The following ARHGAP21 variants were observed in gnomAD, a reference collection of about 807,000 sequenced individuals.
The protein encoded by ARHGAP21 is Rho GTPase activating protein 21.
In ARHGAP21, 38 loss-of-function variants were observed where a neutral mutation model predicts 164.6. The observed-to-expected ratio is 0.23, with a 90% CI of 0.18 to 0.30. The LOEUF (loss-of-function observed/expected upper bound fraction) is 0.30. ARHGAP21 is among the 10% of genes least tolerant of loss of function. ARHGAP21 has a pLI of 1.00. For missense variants in ARHGAP21, 1,822 were observed against 2,370.7 expected, an observed-to-expected ratio of 0.77 and a Z score of 4.81; for synonymous variants, 766 against 857.9, an observed-to-expected ratio of 0.89 and a Z score of 1.87.
At chr10:24,622,083 C>T (rs2367068) in intron 8 of ARHGAP21, among the ~76,000 whole-genome samples, 77,026 of 151,916 alleles carry the variant, frequency 0.51, 19,672 homozygotes, top group Middle Eastern at 0.57. Flanking sequence ...ATTTGGTCTC[C>T]TTTACTTATT....
Position 24,619,892 on chromosome 10 carries a change from C to A in ARHGAP21, c.2003G>T (p.Arg668Met). ...TTGCTGATCGGGGGCACTGTCAGTC[C>A]TTACCCATGTCTGCTGATTCAACAG... The part of the protein sequence containing the change: ...NSLLNQQTWV[R>M]TDSAPDQQVE... The change falls in exon 9 of 26, where the codon AGG becomes ATG. Residue 668 changes from arginine to methionine, a missense_variant. Physicochemically the swap from Arg to Met is moderately conservative, Grantham distance 91. Around this residue, in one of 5 missense-constraint regions of ARHGAP21, gnomAD observed 1,090 missense variants for 1,378.9 expected, o/e 0.79. Transcript: ENST00000396432. 1 of 1,614,150 alleles carries A rather than the reference C, an allele frequency of 6.2e-7. No homozygotes were observed.
chr10:24,599,471 C>T (rs2076721800), intron 14 of ARHGAP21, among the ~76,000 whole-genome samples: 1 of 152,142 alleles, frequency 6.6e-6, no homozygotes, highest in South Asian at 2.1e-4. Flanking sequence ...GGAAAAAAAG[C>T]ACACTTTTCC....
intron 4 of ARHGAP21, among the ~76,000 whole-genome samples, chr10:24,656,938 T>TG (rs1321520869): frequency 2.1e-3 from 9 of 4,252 alleles, no homozygotes; most frequent in Admixed American, 3.8e-3. Context: ...GGGAGGGAGG[T>TG]GGGGGGGGGG....
At chr10:24,619,356 G>GA in intron 9 of ARHGAP21, 117 bp downstream of exon 9, 1 of 1,047,478 alleles carries the variant, frequency 9.5e-7, no homozygotes, top group South Asian at 1.7e-5. Flanking sequence ...AGATTCACTA[G>GA]AAACATTTTA....
intron 2 of ARHGAP21, among the ~76,000 whole-genome samples, chr10:24,686,865 C>G (rs916525510): frequency 6.6e-6 from 1 of 152,148 alleles, no homozygotes; most frequent in Non-Finnish European, 1.5e-5. Flanking sequence ...AGCAGAACTT[C>G]CCGATCAGTG....
intron 2 of ARHGAP21, among the ~76,000 whole-genome samples, chr10:24,673,580 G>A (rs919152393): frequency 2.6e-5 from 4 of 152,200 alleles, no homozygotes; most frequent in African/African-American, 9.7e-5. Flanking sequence ...CATACACCTA[G>A]GCCGGCCGTG....
intron 2 of ARHGAP21, among the ~76,000 whole-genome samples, chr10:24,685,912 G>A (rs1252109797): frequency 6.6e-6 from 1 of 152,072 alleles, no homozygotes; most frequent in African/African-American, 2.4e-5. Context: ...AAGATATTAA[G>A]CTAAAACAAA....
chr10:24,651,864 G>T (rs1460630980), intron 4 of ARHGAP21, among the ~76,000 whole-genome samples: 2 of 152,038 alleles, frequency 1.3e-5, no homozygotes, highest in Admixed American at 6.6e-5. Context: ...AATTCCAACA[G>T]AATTTTTTTC....
intron 2 of ARHGAP21, among the ~76,000 whole-genome samples, chr10:24,677,264 A>G (rs1565148401): frequency 6.6e-6 from 1 of 152,138 alleles, no homozygotes; most frequent in Admixed American, 6.5e-5. Context: ...TGCAAGCTCC[A>G]TTGTCTTTTC....
Position 24,670,305 on chromosome 10 carries a change from C to G in ARHGAP21, c.156G>C (p.Thr52=), listed in dbSNP as rs371441582. ...TFSWPGPKTV[T]LKRTSQGFGF... is the part of the protein sequence containing the mutation. The stretch of plus-strand genomic sequence containing the variant: ...CAAAGCCTTGAGATGTTCTTTTCAA[C>G]GTAACTGTTTTGGGACCTGGCCAGG... The change falls in exon 3 of 26, where the codon ACG becomes ACC. Residue 52 remains threonine, a synonymous_variant. Transcript: ENST00000396432. 3.7e-6 allele frequency: 6 copies of G among 1,608,666 alleles called. No individual in the cohort carries two copies. The highest frequency in any genetic ancestry group is 1.3e-5 in the African/African-American group (1 of 74,706).
Position 24,670,368 on chromosome 10 carries a change from T to G in ARHGAP21, c.93A>C (p.Gln31His), listed in dbSNP as rs558563278. The G allele has an allele frequency of 1.7e-5, 27 of 1,597,524 alleles. No homozygotes were observed. In the South Asian group the frequency reaches 3.1e-4, roughly 18 times the overall value. Reference sequence around the variant, plus strand: ...CTTCAGACAGTGATACAGTTTCACTTTGTTCTTTTCCATCTTTATTTTTTG... The same window carrying G: ...CTTCAGACAGTGATACAGTTTCACTGTGTTCTTTTCCATCTTTATTTTTTG... ...EVSKNKDGKEQSETVSLSEDE... is the reference protein window; with the variant it reads ...EVSKNKDGKEHSETVSLSEDE... The change falls in exon 3 of 26, where the codon CAA becomes CAC. Residue 31 changes from glutamine (Q) to histidine (H), a missense_variant. By Grantham distance (24) the Gln-to-His change is conservative. Coordinates refer to ENST00000396432, the MANE Select transcript of ARHGAP21 (RefSeq NM_020824.4).
At chr10:24,656,201 C>A (rs1379706166) in intron 4 of ARHGAP21, among the ~76,000 whole-genome samples, 1 of 135,014 alleles carries the variant, frequency 7.4e-6, no homozygotes, top group African/African-American at 3.1e-5. Flanking sequence ...CCGCCCCATC[C>A]GGGAGGGAGG....
rs2076553610 is a variant in ARHGAP21 at position 24,595,705 on chromosome 10, G to A, written c.3712+12C>T. 1 of 1,605,386 alleles carries A rather than the reference G, an allele frequency of 6.2e-7. No individual in the cohort carries two copies. The highest frequency in any genetic ancestry group is 8.5e-7 in the Non-Finnish European group (1 of 1,173,480). On this transcript the variant is annotated intron_variant, in intron 19 of 25. Transcript: ENST00000396432. Reference sequence around the variant, plus strand: ...CCATTTCATCTGGTATCTTTCACGGGAGTTAACTCACCATTTGTGAAGAGA... The same window carrying A: ...CCATTTCATCTGGTATCTTTCACGGAAGTTAACTCACCATTTGTGAAGAGA...
chr10:24,591,101 T>C, intron 24 of ARHGAP21, 124 bp downstream of exon 24: 2 of 1,012,122 alleles, frequency 2.0e-6, no homozygotes, highest in Non-Finnish European at 2.8e-6. Flanking sequence ...GGTTTTTTAT[T>C]AGTAGAAAGG....
intron 2 of ARHGAP21, among the ~76,000 whole-genome samples, chr10:24,691,636 C>A (rs545158539): frequency 6.6e-6 from 1 of 152,266 alleles, no homozygotes; most frequent in East Asian, 1.9e-4. Flanking sequence ...ATTTTAATCA[C>A]TTCATAATTT....
At position 24,635,150 on chromosome 10, in the gene ARHGAP21, C is replaced by T. The variant is rs1266660199; in HGVS notation, c.269-47G>A. The stretch of plus-strand genomic sequence containing the variant: ...CATGATTTTACTTCACAATACTTTA[C>T]TAAAATACCTAAATATAAAATAGTA... On this transcript the variant is annotated intron_variant, in intron 4 of 25. Coordinates refer to ENST00000396432, the MANE Select transcript of ARHGAP21 (RefSeq NM_020824.4). 8.6e-6 allele frequency: 10 copies of T among 1,157,300 alleles called. No homozygotes were observed. In the African/African-American group the frequency reaches 1.6e-4, roughly 18 times the overall value. The allele number at this position is 1,157,300 out of a possible 1,614,324, so 71.7% of individuals were successfully genotyped here.
intron 2 of ARHGAP21, among the ~76,000 whole-genome samples, chr10:24,714,933 G>A (rs554326539): frequency 6.6e-6 from 1 of 152,034 alleles, no homozygotes; most frequent in South Asian, 2.1e-4. Flanking sequence ...GGGAGGCTGA[G>A]GCAGGAGAAA....
intron 2 of ARHGAP21, among the ~76,000 whole-genome samples, chr10:24,682,666 C>A (rs1001066501): frequency 6.6e-6 from 1 of 151,392 alleles, no homozygotes; most frequent in African/African-American, 2.4e-5. Context: ...AGCTTGTTTA[C>A]AGAGTTTCTA....
chr10:24,635,699 AC>A (rs1366208110), intron 4 of ARHGAP21, among the ~76,000 whole-genome samples: 1 of 151,932 alleles, frequency 6.6e-6, no homozygotes, highest in East Asian at 1.9e-4. Flanking sequence ...GGTGTACACC[AC>A]CCCGCCTGCT....
Sources: allele counts gnomAD v4.1 joint callset (sites outside exome capture counted in the v4.1 genomes callset), GRCh38; gene constraint gnomAD v4.1.1; regional missense constraint gnomAD v4.1.1; transcripts MANE v1.5; gene names NCBI Gene and HGNC (gene_info 2026-07-23, HGNC 2026-07-21).